RIC3: variants seen among roughly 807,000 people sequenced by gnomAD.
The protein encoded by RIC3 is protein RIC-3.
In RIC3, 28 loss-of-function variants were observed where a neutral mutation model predicts 27.3. The ratio of observed to expected loss-of-function variants is 1.02; its 90% CI spans 0.76 to 1.41. RIC3 has a LOEUF of 1.41. Among genes scored for constraint, RIC3 ranks in the 40% most tolerant of loss-of-function variants. The probability of loss-of-function intolerance (pLI) is 0.00; values close to 1 mark genes in which losing one functional copy is unlikely to be tolerated. For synonymous variants in RIC3, 184 were observed against 160.4 expected (o/e 1.15, Z -1.11); for missense variants, 501 against 444.7 (o/e 1.13, Z -1.14).
At chr11:8,138,174 T>A in intron 3 of RIC3, 98 bp downstream of exon 3, 1 of 817,554 alleles carries the variant, frequency 1.2e-6, no homozygotes, top group South Asian at 2.1e-5. Context: ...GAGCAACTTT[T>A]GAGAAATGCT....
At chr11:8,100,172 T>A in the RIC3 span, among the ~76,000 whole-genome samples, 1 of 152,106 alleles carries the variant, frequency 6.6e-6, no homozygotes, top group African/African-American at 2.4e-5. Flanking sequence ...AGTCTGGGTA[T>A]AATTGGAAGG....
intron 4 of RIC3, among the ~76,000 whole-genome samples, chr11:8,130,360 T>C (rs994248441): frequency 6.6e-6 from 1 of 152,210 alleles, no homozygotes; most frequent in Non-Finnish European, 1.5e-5. Flanking sequence ...CAACAGTCCA[T>C]GAGGAGACTT....
chr11:8,101,487 G>T, downstream of RIC3: 1 of 1,614,110 alleles, frequency 6.2e-7, no homozygotes, highest in Non-Finnish European at 8.5e-7. Flanking sequence ...TGGCCCCAGC[G>T]GACTACATCG....
chr11:8,134,119 A>G (rs1408818291), intron 4 of RIC3, among the ~76,000 whole-genome samples: 4 of 152,022 alleles, frequency 2.6e-5, no homozygotes, highest in African/African-American at 9.7e-5. Flanking sequence ...TACATTAGGT[A>G]TATCTCCTAA....
At chr11:8,137,643 G>T (rs1378100960) in intron 3 of RIC3, among the ~76,000 whole-genome samples, 172 bp from the exon 4 acceptor site, 1 of 152,154 alleles carries the variant, frequency 6.6e-6, no homozygotes, top group Non-Finnish European at 1.5e-5. Context: ...TTCCAAAAAG[G>T]ATGCAAAGTG....
At chr11:8,146,158 C>A (rs1420262627) in intron 1 of RIC3, among the ~76,000 whole-genome samples, 1 of 152,194 alleles carries the variant, frequency 6.6e-6, no homozygotes, top group East Asian at 1.9e-4. Context: ...ATTTCCTTAA[C>A]TGGAAGAATG....
chr11:8,100,439 C>G, the RIC3 span: 1 of 1,302,058 alleles, frequency 7.7e-7, no homozygotes, highest in Non-Finnish European at 1.1e-6. Flanking sequence ...ATTCCCGTCC[C>G]CCCCACCTTC....
intron 5 of RIC3, among the ~76,000 whole-genome samples, chr11:8,111,567 A>G (rs1312490257): frequency 6.6e-6 from 1 of 152,194 alleles, no homozygotes; most frequent in East Asian, 1.9e-4. Context: ...GAGTGGGGAG[A>G]GGAAAGGAAT....
At chr11:8,144,097 A>G (rs886787672) in intron 1 of RIC3, among the ~76,000 whole-genome samples, 30 of 152,242 alleles carry the variant, frequency 2.0e-4, no homozygotes, top group African/African-American at 5.1e-4. Context: ...CCTAGGCATT[A>G]CCATTCAGGA....
In RIC3 at chr11:8,162,629, CTTTTTTT is replaced by C. The variant is rs757717970; in HGVS notation, c.124+6230_124+6236del. Among the ~76,000 whole-genome samples, 360 of 83,716 alleles carry C rather than the reference CTTTTTTT, an allele frequency of 4.3e-3. 2 individuals are homozygous for C. The highest frequency in any genetic ancestry group is 0.021 in the East Asian group (50 of 2,392). 54.9% of individuals were successfully genotyped at this position (83,716 alleles called of 152,430 possible). A position where few individuals can be genotyped will look rare whatever the true frequency, so the allele number is the denominator to read the frequency against. ...GATACTTCAAGGCTCCATGCTTCTTCTTTTTTTTTTTTTTTTTTTTTTTTTTCTTTTT... is the reference window on the plus strand; with the variant it reads ...GATACTTCAAGGCTCCATGCTTCTTCTTTTTTTTTTTTTTTTTTTCTTTTT... On this transcript the variant is annotated intron_variant, in intron 1 of 5. Transcript: ENST00000309737.
At chr11:8,129,843 C>G (rs906707472) in intron 4 of RIC3, among the ~76,000 whole-genome samples, 6 of 152,164 alleles carry the variant, frequency 3.9e-5, no homozygotes, top group African/African-American at 1.4e-4. Flanking sequence ...TCACTCCCAG[C>G]CAATGACTTC....
At chr11:8,145,011 C>G (rs969260324) in intron 1 of RIC3, among the ~76,000 whole-genome samples, 2 of 104,332 alleles carry the variant, frequency 1.9e-5, no homozygotes, top group African/African-American at 7.9e-5. Context: ...AGGGGAATAT[C>G]ACACTCTGGG....
rs55990541 is a variant in RIC3 at position 8,138,310 on chromosome 11, C to T, written c.389G>A (p.Cys130Tyr). The change falls in exon 3 of 6, where the codon TGC becomes TAC. Residue 130 changes from cysteine to tyrosine, a missense_variant. Coordinates refer to ENST00000309737, the MANE Select transcript of RIC3 (RefSeq NM_001206671.4). Reference protein sequence around the residue: ...KGKTTAEDGKCYTAMPGNTHR... With the variant: ...KGKTTAEDGKYYTAMPGNTHR... ...GGTGTTTCCAGGCATGGCAGTATAG[C>T]ATTTCCCATCCTCTGCAGTTGTTTT... is the stretch of plus-strand genomic sequence containing the variant. The T allele has an allele frequency of 0.065, 104,344 of 1,611,694 alleles. 3,802 individuals carry two copies. Among genetic ancestry groups the T allele is most frequent in the Admixed American group, 0.1 (6,141 of 59,916 alleles).
At chr11:8,093,970 A>AGT in the RIC3 span, 173 of 1,576,100 alleles carry the variant, frequency 1.1e-4, no homozygotes, top group Non-Finnish European at 1.5e-4. Flanking sequence ...TGTGCTGGGG[A>AGT]CTGTGTTCAG....
At chr11:8,120,515 C>T (rs773682000) in intron 5 of RIC3, among the ~76,000 whole-genome samples, 15 of 151,932 alleles carry the variant, frequency 9.9e-5, no homozygotes, top group Non-Finnish European at 2.1e-4. Flanking sequence ...CATCATACAC[C>T]GGGACCTGTC....
chr11:8,100,816 G>C, the RIC3 span: 1 of 1,613,256 alleles, frequency 6.2e-7, no homozygotes, highest in Non-Finnish European at 8.5e-7. Flanking sequence ...AGGTGAGGCT[G>C]CCCTCCCAGG....
the RIC3 span, chr11:8,098,653 C>T: frequency 1.2e-6 from 1 of 822,994 alleles, no homozygotes; most frequent in Non-Finnish European, 2.0e-6. Flanking sequence ...TGCTCCTGTT[C>T]CAGCCCAGAA....
downstream of RIC3, chr11:8,101,850 T>G: frequency 2.3e-5 from 11 of 482,806 alleles, no homozygotes; most frequent in East Asian, 3.9e-5. Flanking sequence ...GAATAATTCT[T>G]TCCATGCCAC....
rs536015728 is a variant in RIC3, at chr11:8,161,701, G to C, written c.124+7165C>G. ...GTGAGGCTGGAAGGTGAGAGTGATG[G>C]AGGACTTAAAAGAAAAGAGGCCTGG... is the stretch of plus-strand genomic sequence containing the variant. On this transcript the variant is annotated intron_variant, in intron 1 of 5. Transcript: ENST00000309737. Among the ~76,000 whole-genome samples, 3 of 152,296 alleles carry C rather than the reference G, an allele frequency of 2.0e-5. No individual in the cohort carries two copies. The South Asian group carries it at 6.2e-4, about 32-fold the overall frequency.
Sources: gnomAD v4.1 joint callset for allele counts (sites outside exome capture counted in the v4.1 genomes callset) on GRCh38, gnomAD v4.1.1 for gene constraint, MANE v1.5 for transcripts, NCBI Gene and HGNC (gene_info 2026-07-23, HGNC 2026-07-21) for gene names.